The following SLC26A3 variants were observed in gnomAD, a reference collection of about 807,000 sequenced individuals.
SLC26A3 encodes solute carrier family 26 member 3, also known as chloride anion exchanger.
In SLC26A3, 64 loss-of-function variants were observed where a neutral mutation model predicts 85.6. That is an observed-to-expected ratio of 0.75 (90% CI 0.61 to 0.92). The LOEUF (loss-of-function observed/expected upper bound fraction) is 0.92, where lower values mean the gene tolerates loss of function less well. Among genes scored for constraint, SLC26A3 ranks in the 40% least tolerant of loss-of-function variants. The probability of loss-of-function intolerance (pLI) is 0.00; values close to 1 mark genes in which losing one functional copy is unlikely to be tolerated. For synonymous variants in SLC26A3, 349 were observed against 336.0 expected (o/e 1.04, Z -0.42); for missense variants, 922 against 927.3 (o/e 0.99, Z 0.07).
rs146441876 is a variant in SLC26A3 at position 107,784,009 on chromosome 7, T to A, written c.972-657A>T. 3.9e-5 allele frequency among the ~76,000 whole-genome samples: 6 copies of A among 152,340 alleles called. No individual in the cohort carries two copies. The East Asian group carries it at 1.2e-3, about 29-fold the overall frequency. On this transcript the variant is annotated intron_variant, in intron 8 of 20. Transcript: ENST00000340010. ...AGTTCAATTATATTTACTAATTGTA[T>A]CATAAAAGGTGCATGTATCTTAAAC... is the stretch of plus-strand genomic sequence containing the variant.
intron 1 of SLC26A3, 141 bp from the exon 2 acceptor site, chr7:107,794,738 A>G (rs556799797): frequency 4.6e-5 from 25 of 539,188 alleles, no homozygotes; most frequent in African/African-American, 4.2e-4. Context: ...GTGTTTTGCG[A>G]CAGCGATGTT....
chr7:107,795,423 T>C (rs17154444), intron 1 of SLC26A3, among the ~76,000 whole-genome samples: 7,496 of 152,302 alleles, frequency 0.049, 212 homozygotes, highest in South Asian at 0.094. Flanking sequence ...GTTTCTATTA[T>C]GCTTAAAAGA....
chr7:107,799,720 A>G (rs1794571092), intron 1 of SLC26A3, among the ~76,000 whole-genome samples: 1 of 152,100 alleles, frequency 6.6e-6, no homozygotes, highest in Admixed American at 6.6e-5. Flanking sequence ...AAAGGAGGAG[A>G]CCATTATTTT....
chr7:107,778,378 G>C (rs868457472), intron 12 of SLC26A3, 97 bp from the exon 13 acceptor site: 1 of 356,984 alleles, frequency 2.8e-6, no homozygotes, highest in Non-Finnish European at 4.6e-6. Context: ...TTTTTTTTTT[G>C]TAGCGACAGT....
Position 107,778,167 on chromosome 7 carries a change from G to C in SLC26A3, c.1514+8C>G, listed in dbSNP as rs1050658838. ...CCTGCCAGGATGCAGAGCACTTTGA[G>C]CACTCACAATTGGGTCCTGAACACG... On this transcript the variant is annotated splice_region_variant and intron_variant, in intron 13 of 20. Coordinates refer to ENST00000340010, the MANE Select transcript of SLC26A3 (RefSeq NM_000111.3). The C allele has an allele frequency of 1.9e-6, 3 of 1,593,110 alleles. No homozygotes were observed. In the African/African-American group the frequency reaches 4.0e-5, roughly 21 times the overall value.
intron 3 of SLC26A3, among the ~76,000 whole-genome samples, chr7:107,793,272 A>C (rs1794434072): frequency 6.6e-6 from 1 of 152,236 alleles, no homozygotes; most frequent in African/African-American, 2.4e-5. Context: ...GCTCACACAA[A>C]TATTTGTACA....
chr7:107,773,859 C>T, intron 17 of SLC26A3, 61 bp downstream of exon 17: 2 of 1,401,424 alleles, frequency 1.4e-6, no homozygotes, highest in African/African-American at 1.4e-5. Flanking sequence ...CCCACAAATA[C>T]AATTTTTTTT....
Position 107,774,882 on chromosome 7 carries a change from C to A in SLC26A3, c.1678-10G>T. 1.9e-6 allele frequency: 3 copies of A among 1,607,548 alleles called. No homozygotes were observed. Among genetic ancestry groups the A allele is most frequent in the South Asian group, 1.1e-5 (1 of 90,948 alleles). ...GTGGACTAAAGCCAACCTGAGAAAC[C>A]CATTGCTGTGTTACAAGAGTACTGA... On this transcript the variant is annotated splice_polypyrimidine_tract_variant and intron_variant, in intron 15 of 20. Transcript: ENST00000340010.
Position 107,786,510 on chromosome 7 carries a change from C to T in SLC26A3, c.971+317G>A, listed in dbSNP as rs796851143. Among the ~76,000 whole-genome samples the T allele has an allele frequency of 2.6e-5, 4 of 151,762 alleles. 1 individual carries two copies. The highest frequency in any genetic ancestry group is 9.7e-5 in the African/African-American group (4 of 41,396). ...TCACTACTTTGCTAACTTTTACTTTCCTGTGAGTTTCTACTGGTCTGTGTC... is the reference window on the plus strand; with the variant it reads ...TCACTACTTTGCTAACTTTTACTTTTCTGTGAGTTTCTACTGGTCTGTGTC... On this transcript the variant is annotated intron_variant, in intron 8 of 20. Transcript: ENST00000340010.
chr7:107,797,386 C>A (rs950541230), intron 1 of SLC26A3, among the ~76,000 whole-genome samples: 2 of 151,982 alleles, frequency 1.3e-5, no homozygotes, highest in African/African-American at 4.8e-5. Context: ...CTGAGTTACT[C>A]GGGAGGCTGA....
intron 6 of SLC26A3, 50 bp downstream of exon 6, chr7:107,789,474 G>C: frequency 6.5e-7 from 1 of 1,542,444 alleles, no homozygotes; most frequent in Non-Finnish European, 8.9e-7. Context: ...TAAAAACACA[G>C]TAGTGAGTTT....
chr7:107,773,884 T>C (rs772695317), intron 17 of SLC26A3, 36 bp downstream of exon 17: 2 of 1,528,992 alleles, frequency 1.3e-6, no homozygotes, highest in South Asian at 1.1e-5. Context: ...CCTTTAGTCA[T>C]TGATTGGTTG....
In SLC26A3 at chr7:107,782,749, C is replaced by T. The variant is rs371067604; in HGVS notation, c.1311+48G>A. 3.2e-6 allele frequency: 5 copies of T among 1,539,178 alleles called. No individual in the cohort carries two copies. In the East Asian group the frequency reaches 6.7e-5, roughly 21 times the overall value. ...GCTTTCAGAATTTAAGAACCGGGGTCCTTGATTTACCACTAAAAGTAGAGA... is the reference window on the plus strand; with the variant it reads ...GCTTTCAGAATTTAAGAACCGGGGTTCTTGATTTACCACTAAAAGTAGAGA... On this transcript the variant is annotated intron_variant, in intron 11 of 20. Coordinates refer to ENST00000340010, the MANE Select transcript of SLC26A3 (RefSeq NM_000111.3).
At chr7:107,779,112 C>T (rs1318390855) in intron 12 of SLC26A3, among the ~76,000 whole-genome samples, 6 of 152,248 alleles carry the variant, frequency 3.9e-5, no homozygotes, top group South Asian at 4.1e-4. Context: ...GGTGTTAAAA[C>T]GCCCCACAAA....
At chr7:107,791,977 C>A (rs745664739) in intron 3 of SLC26A3, 37 bp from the exon 4 acceptor site, 2 of 1,214,566 alleles carry the variant, frequency 1.6e-6, no homozygotes, top group Non-Finnish European at 1.2e-6. Flanking sequence ...TTACTCTGTG[C>A]AAGAGGAATC....
chr7:107,780,643 A>G (rs1794202036), intron 11 of SLC26A3, among the ~76,000 whole-genome samples: 1 of 152,146 alleles, frequency 6.6e-6, no homozygotes, highest in East Asian at 1.9e-4. Context: ...TTTTATTTTT[A>G]TATCTTGAGG....
intron 3 of SLC26A3, 126 bp downstream of exon 3, chr7:107,793,616 A>G (rs1584412672): frequency 1.4e-6 from 1 of 730,454 alleles, no homozygotes; most frequent in East Asian, 2.7e-5. Flanking sequence ...GTGGTGGTGA[A>G]AATGTTCCAG....
Position 107,789,372 on chromosome 7 carries a change from G to A in SLC26A3, c.735+152C>T, listed in dbSNP as rs139902222. 7.4e-4 allele frequency: 516 copies of A among 700,662 alleles called. 4 individuals carry two copies. The East Asian group carries it at 0.014, about 19-fold the overall frequency. 43.4% of individuals were successfully genotyped at this position (700,662 alleles called of 1,614,324 possible). On this transcript the variant is annotated intron_variant, in intron 6 of 20. Transcript: ENST00000340010. ...CCTGATCTCGTGATCCGCCCGCCTC[G>A]GCCTCCCAAAGTGCTGCTTTCTTTT... is the stretch of plus-strand genomic sequence containing the variant.
At chr7:107,782,738 A>C in intron 11 of SLC26A3, 59 bp downstream of exon 11, 1 of 1,486,994 alleles carries the variant, frequency 6.7e-7, no homozygotes, top group Non-Finnish European at 9.4e-7. Context: ...TCAGAATTTA[A>C]GAACCGGGGT....
Sources: allele counts gnomAD v4.1 joint callset (sites outside exome capture counted in the v4.1 genomes callset), GRCh38; gene constraint gnomAD v4.1.1; transcripts MANE v1.5; gene names NCBI Gene and HGNC (gene_info 2026-07-23, HGNC 2026-07-21).